The following SNX10 variants were observed in gnomAD, a reference collection of about 807,000 sequenced individuals.
The protein encoded by SNX10 is sorting nexin 10, also known as sorting nexin-10.
In SNX10, 25 loss-of-function variants were observed where a neutral mutation model predicts 28.5. The ratio of observed to expected loss-of-function variants is 0.88; its 90% CI spans 0.64 to 1.22. SNX10 has a LOEUF of 1.22. SNX10 is among the 50% of genes most tolerant of loss of function. The pLI, the probability that SNX10 is intolerant of heterozygous loss-of-function variation, is 0.00. For synonymous variants in SNX10, 62 were observed against 81.4 expected, an observed-to-expected ratio of 0.76 and a Z score of 1.28; for missense variants, 223 against 242.6, an observed-to-expected ratio of 0.92 and a Z score of 0.54.
chr7:26,368,402 C>T (rs1290097853), intron 5 of SNX10, among the ~76,000 whole-genome samples: 1 of 152,080 alleles, frequency 6.6e-6, no homozygotes, highest in East Asian at 1.9e-4. Flanking sequence ...CTTAAAGTCC[C>T]TTCTAATAGT....
intron 5 of SNX10, among the ~76,000 whole-genome samples, chr7:26,367,142 G>A (rs191627884): frequency 5.9e-5 from 9 of 152,202 alleles, no homozygotes; most frequent in African/African-American, 2.2e-4. Flanking sequence ...TCACTGGGTG[G>A]TTGTGTCCTA....
intron 5 of SNX10, chr7:26,370,330 CTTA>C (rs1044081462): frequency 1.3e-5 from 2 of 152,194 alleles, no homozygotes; most frequent in African/African-American, 4.8e-5. Flanking sequence ...GGATTTACTA[CTTA>C]GCTACTTGTA....
intron 1 of SNX10, among the ~76,000 whole-genome samples, chr7:26,315,788 T>G (rs1055914841): frequency 3.3e-5 from 5 of 152,344 alleles, no homozygotes; most frequent in African/African-American, 1.2e-4. Flanking sequence ...GGGGGTGCTT[T>G]CTTTTATGTA....
At chr7:26,318,610 G>A (rs1343484144) in intron 1 of SNX10, among the ~76,000 whole-genome samples, 1 of 152,048 alleles carries the variant, frequency 6.6e-6, no homozygotes. Flanking sequence ...TGGGATTATA[G>A]GTGCCTGCCG....
At chr7:26,356,986 G>A in intron 2 of SNX10, 1 of 888,944 alleles carries the variant, frequency 1.1e-6, no homozygotes, top group Non-Finnish European at 1.5e-6. Context: ...TTTCCTGAAG[G>A]CAGTTTGTTT....
intron 1 of SNX10, among the ~76,000 whole-genome samples, chr7:26,310,646 A>C (rs1288199677): frequency 6.6e-6 from 1 of 150,674 alleles, no homozygotes; most frequent in Admixed American, 6.6e-5. Flanking sequence ...AGAGTACAGC[A>C]GCACGAGGGG....
intron 5 of SNX10, among the ~76,000 whole-genome samples, chr7:26,366,851 G>T (rs2699812): frequency 0.63 from 95,272 of 152,120 alleles, 30,608 homozygotes; most frequent in East Asian, 0.79. Context: ...CTACCCAAAT[G>T]AATGACCCTG....
Position 26,350,838 on chromosome 7 carries a change from G to T in SNX10, c.24+4372G>T, listed in dbSNP as rs1008380195. On this transcript the variant is annotated intron_variant, in intron 2 of 6. Coordinates refer to ENST00000338523, the MANE Select transcript of SNX10 (RefSeq NM_013322.3). ...TATTGTCTTCACACATACACACCAG[G>T]TTTCAGAGAAGGCTGTTACCATTCT... Among the ~76,000 whole-genome samples, 3 of 152,272 alleles carry T rather than the reference G, an allele frequency of 2.0e-5. No homozygotes were observed. In the East Asian group the frequency reaches 5.8e-4, roughly 29 times the overall value.
intron 1 of SNX10, among the ~76,000 whole-genome samples, chr7:26,324,827 A>C (rs1322330368): frequency 6.6e-6 from 1 of 152,098 alleles, no homozygotes; most frequent in Non-Finnish European, 1.5e-5. Flanking sequence ...CTGTTTTTCA[A>C]ATTTCCTGAA....
intron 2 of SNX10, among the ~76,000 whole-genome samples, chr7:26,353,437 C>CTTTT (rs11386172): frequency 6.1e-4 from 45 of 74,324 alleles, no homozygotes; most frequent in Middle Eastern, 0.011. Flanking sequence ...CTGGTAAATG[C>CTTTT]TTTTTTTTTT....
intron 1 of SNX10, among the ~76,000 whole-genome samples, chr7:26,312,991 T>C (rs1786910877): frequency 6.6e-6 from 1 of 152,216 alleles, no homozygotes; most frequent in African/African-American, 2.4e-5. Context: ...TTTGCCAATA[T>C]CTTGATGATT....
chr7:26,345,264 C>T (rs1418865845), intron 1 of SNX10, among the ~76,000 whole-genome samples: 1 of 152,222 alleles, frequency 6.6e-6, no homozygotes, highest in Non-Finnish European at 1.5e-5. Context: ...CCCTGTCCCC[C>T]AGCTGATCTG....
Position 26,372,016 on chromosome 7 carries a change from AGATT to A in SNX10, c.508_511del (p.Asp170MetfsTer24). The A allele has an allele frequency of 6.2e-7, 1 of 1,604,250 alleles. No individual in the cohort carries two copies. The highest frequency in any genetic ancestry group is 8.5e-7 in the Non-Finnish European group (1 of 1,171,774). The stretch of plus-strand genomic sequence containing the variant: ...AAGAAGGAAAAAAAGAAAATGATAT[AGATT>A]ATGATTCAGAAAGGTATTTCCTTGC... On this transcript the variant is annotated frameshift_variant, in exon 6 of 7. Coordinates refer to ENST00000338523, the MANE Select transcript of SNX10 (RefSeq NM_013322.3). LOFTEE classifies it high-confidence loss of function.
chr7:26,302,898 G>A (rs374235942), intron 1 of SNX10, among the ~76,000 whole-genome samples: 1 of 152,042 alleles, frequency 6.6e-6, no homozygotes, highest in South Asian at 2.1e-4. Context: ...GCAGTGAGCC[G>A]AAATCACACT....
Position 26,309,368 on chromosome 7 carries a change from C to CAA in SNX10, c.-24+17297_-24+17298dup, listed in dbSNP as rs66530736. 0.022 allele frequency among the ~76,000 whole-genome samples: 3,024 copies of CAA among 140,336 alleles called. 227 individuals are homozygous for CAA. The East Asian group carries it at 0.25, about 12-fold the overall frequency. The allele number at this position is 140,336 out of a possible 152,430, so 92.1% of individuals were successfully genotyped here. A position where few individuals can be genotyped will look rare whatever the true frequency, so the allele number is the denominator to read the frequency against. ...ACTCAAGGAGTGTTACTTAATCATC[C>CAA]AAAAAAAAAAAAAAAATCCCTCACC... is the stretch of plus-strand genomic sequence containing the variant. On this transcript the variant is annotated intron_variant, in intron 1 of 6. Transcript: ENST00000338523.
intron 1 of SNX10, among the ~76,000 whole-genome samples, chr7:26,337,938 TC>T (rs1223639849): frequency 6.6e-6 from 1 of 152,198 alleles, no homozygotes; most frequent in Middle Eastern, 3.2e-3. Flanking sequence ...ACAGAAGGGT[TC>T]CGATTTCTCC....
At position 26,314,170 on chromosome 7, in the gene SNX10, C is replaced by T. The variant is rs1188745420; in HGVS notation, c.-24+22084C>T. On this transcript the variant is annotated intron_variant, in intron 1 of 6. Transcript: ENST00000338523. ...CATTTTCTTTTTAAAAAAGTTATTC[C>T]TTTTTAATCTTGTTAGACTGAAATG... Among the ~76,000 whole-genome samples, 6 of 152,078 alleles carry T rather than the reference C, an allele frequency of 3.9e-5. No homozygotes were observed. In the East Asian group the frequency reaches 9.6e-4, roughly 24 times the overall value.
Position 26,361,064 on chromosome 7 carries a change from A to G in SNX10, c.111+3A>G. ...TTGACTATGAGATATGTATTCATGT[A>G]AGTATGTAGTCAGTAGAAATAGTAA... is the stretch of plus-strand genomic sequence containing the variant. On this transcript the variant is annotated splice_donor_region_variant and intron_variant, in intron 3 of 6. Coordinates refer to ENST00000338523, the MANE Select transcript of SNX10 (RefSeq NM_013322.3). 1 of 1,597,094 alleles carries G rather than the reference A, an allele frequency of 6.3e-7. No homozygotes were observed. Among genetic ancestry groups the G allele is most frequent in the Non-Finnish European group, 8.6e-7 (1 of 1,168,316 alleles).
intron 1 of SNX10, among the ~76,000 whole-genome samples, chr7:26,301,301 T>G (rs979434887): frequency 5.9e-5 from 9 of 152,226 alleles, no homozygotes; most frequent in Non-Finnish European, 1.2e-4. Context: ...GAATTTATAA[T>G]GAACTACAGA....
Sources: gnomAD v4.1 joint callset for allele counts (sites outside exome capture counted in the v4.1 genomes callset) on GRCh38, gnomAD v4.1.1 for gene constraint, MANE v1.5 for transcripts, NCBI Gene and HGNC (gene_info 2026-07-23, HGNC 2026-07-21) for gene names.